The following ACOXL variants were observed in gnomAD, a reference collection of about 807,000 sequenced individuals.
The protein encoded by ACOXL is acyl-coenzyme A oxidase-like protein.
A neutral mutation model predicts 71.9 loss-of-function variants in ACOXL; 70 were observed. The observed-to-expected ratio is 0.97, with a 90% CI of 0.80 to 1.19. The LOEUF is 1.19. Ranked by LOEUF, ACOXL falls within the 50% of genes most tolerant of loss-of-function variation. The pLI is 0.00. For synonymous variants in ACOXL, 253 were observed against 281.6 expected, an observed-to-expected ratio of 0.90 and a Z score of 1.02; for missense variants, 703 against 736.3, an observed-to-expected ratio of 0.95 and a Z score of 0.52.
chr2:110,793,589 T>C, intron 3 of ACOXL, 61 bp from the exon 4 acceptor site: 1 of 1,500,910 alleles, frequency 6.7e-7, no homozygotes, highest in Non-Finnish European at 9.3e-7. Flanking sequence ...TGGCCGTGGA[T>C]TTAATTGTCT....
chr2:110,960,866 GATGGCTGCAAGCC>G (rs2061677221), intron 12 of ACOXL, among the ~76,000 whole-genome samples: 2 of 152,156 alleles, frequency 1.3e-5, no homozygotes, highest in Non-Finnish European at 2.9e-5. Context: ...TACTCAAGAA[GATGGCTGCAAGCC>G]CCATTCAGTG....
intron 10 of ACOXL, among the ~76,000 whole-genome samples, chr2:110,896,741 T>A (rs1466947598): frequency 6.6e-6 from 1 of 152,110 alleles, no homozygotes; most frequent in African/African-American, 2.4e-5. Context: ...AAGTGAAAAC[T>A]AACAGAACTG....
Position 110,933,538 on chromosome 2 carries a change from G to T in ACOXL, c.955G>T (p.Val319Phe). 1 of 1,614,204 alleles carries T rather than the reference G, an allele frequency of 6.2e-7. No homozygotes were observed. Among genetic ancestry groups the T allele is most frequent in the Non-Finnish European group, 8.5e-7 (1 of 1,180,032 alleles). The stretch of plus-strand genomic sequence containing the variant: ...GGATGTCTTCCAGGGAAAGGAGCTG[G>T]TCAACAGTCGCTCGCTGCAGGCTCT... ...DEDVFQGKEL[V>F]NSRSLQALVA... The change falls in exon 12 of 18, where the codon GTC becomes TTC. Residue 319 changes from valine to phenylalanine, a missense_variant. Coordinates refer to ENST00000439055, the MANE Select transcript of ACOXL (RefSeq NM_001142807.4).
At chr2:111,111,187 C>T (rs557839278) in intron 17 of ACOXL, among the ~76,000 whole-genome samples, 1 of 152,194 alleles carries the variant, frequency 6.6e-6, no homozygotes, top group South Asian at 2.1e-4. Context: ...GCAACCTCCA[C>T]CTCCTGGGCT....
intron 10 of ACOXL, among the ~76,000 whole-genome samples, chr2:110,855,607 A>T (rs148197120): frequency 1.3e-5 from 2 of 152,204 alleles, no homozygotes; most frequent in African/African-American, 4.8e-5. Context: ...CCTTTACCCA[A>T]TGCTTCACTT....
At chr2:110,801,776 C>T in intron 8 of ACOXL, 52 bp downstream of exon 8, 2 of 1,543,186 alleles carry the variant, frequency 1.3e-6, no homozygotes, top group East Asian at 2.2e-5. Context: ...TCTCACTGCT[C>T]TCCAAAGTTG....
intron 16 of ACOXL, among the ~76,000 whole-genome samples, chr2:111,091,576 A>T (rs2068525773): frequency 6.6e-6 from 1 of 152,188 alleles, no homozygotes; most frequent in Non-Finnish European, 1.5e-5. Context: ...TTATTTTTAT[A>T]AGAATTTATG....
intron 16 of ACOXL, among the ~76,000 whole-genome samples, chr2:111,062,100 T>C (rs528098277): frequency 1.6e-4 from 25 of 151,810 alleles, no homozygotes; most frequent in Non-Finnish European, 3.1e-4. Context: ...TAGGGTGATA[T>C]AGATAGGTTG....
chr2:111,023,186 C>T (rs992351856), intron 14 of ACOXL, among the ~76,000 whole-genome samples: 4 of 152,148 alleles, frequency 2.6e-5, no homozygotes, highest in Non-Finnish European at 4.4e-5. Context: ...CAGGACTGGA[C>T]TCTTTCCTGA....
chr2:110,970,064 C>G (rs1226793688), intron 12 of ACOXL, among the ~76,000 whole-genome samples: 1 of 152,070 alleles, frequency 6.6e-6, no homozygotes, highest in Non-Finnish European at 1.5e-5. Context: ...GAATGTTACT[C>G]TCTCCTCTTC....
chr2:110,894,089 A>G (rs112235259), intron 10 of ACOXL, among the ~76,000 whole-genome samples: 136 of 152,288 alleles, frequency 8.9e-4, no homozygotes, highest in African/African-American at 3.2e-3. Context: ...GTATCTAAAT[A>G]TGTCATATTT....
intron 1 of ACOXL, among the ~76,000 whole-genome samples, chr2:110,733,764 G>T (rs1314147097): frequency 1.3e-5 from 2 of 152,092 alleles, no homozygotes; most frequent in Non-Finnish European, 2.9e-5. Flanking sequence ...GGGATGGTGG[G>T]TATATCCATC....
At chr2:111,017,656 A>G (rs936016255) in intron 14 of ACOXL, among the ~76,000 whole-genome samples, 9 of 152,194 alleles carry the variant, frequency 5.9e-5, no homozygotes, top group Admixed American at 5.2e-4. Flanking sequence ...GGGCAGTGCT[A>G]ACTCCAGCCT....
At chr2:110,800,075 C>A (rs1423088917) in intron 7 of ACOXL, among the ~76,000 whole-genome samples, 1 of 152,154 alleles carries the variant, frequency 6.6e-6, no homozygotes, top group African/African-American at 2.4e-5. Flanking sequence ...AGCTGGCCAC[C>A]CCAGCCAGCA....
At chr2:111,046,191 T>C (rs2066008228) in intron 15 of ACOXL, among the ~76,000 whole-genome samples, 1 of 152,220 alleles carries the variant, frequency 6.6e-6, no homozygotes, top group Admixed American at 6.5e-5. Flanking sequence ...ACCGTTTCTT[T>C]ACACACAGCC....
intron 12 of ACOXL, among the ~76,000 whole-genome samples, chr2:110,962,416 C>A (rs1293477438): frequency 6.6e-6 from 1 of 152,236 alleles, no homozygotes; most frequent in African/African-American, 2.4e-5. Context: ...TAAGCACAAT[C>A]AGTTTAACCT....
chr2:110,916,200 CTTCTT>C (rs1279921642), intron 11 of ACOXL, among the ~76,000 whole-genome samples: 3 of 151,356 alleles, frequency 2.0e-5, no homozygotes, highest in African/African-American at 7.3e-5. Context: ...GACAATGTCA[CTTCTT>C]TTATTTGTAA....
intron 14 of ACOXL, among the ~76,000 whole-genome samples, chr2:111,030,545 C>T (rs1266446211): frequency 2.0e-5 from 3 of 152,136 alleles, no homozygotes; most frequent in South Asian, 2.1e-4. Flanking sequence ...GTTTTTCCAC[C>T]GGAGCACAAA....
rs947511948 is a variant in ACOXL at position 111,117,729 on chromosome 2, C to T, written c.1656C>T (p.Ala552=). ...TCGCCGGAATCTCCAACCCGCGGGCCGCGTGGGCTTTCTACCCTGCACCGC... is the reference window on the plus strand; with the variant it reads ...TCGCCGGAATCTCCAACCCGCGGGCTGCGTGGGCTTTCTACCCTGCACCGC... ...APIAGISNPR[A]AWAFYPAPLQ... is the part of the protein sequence containing the mutation. The change falls in exon 18 of 18, where the codon GCC becomes GCT. Residue 552 remains alanine, a synonymous_variant. Coordinates refer to ENST00000439055, the MANE Select transcript of ACOXL (RefSeq NM_001142807.4). 6.4e-7 allele frequency: 1 copy of T among 1,551,730 alleles called. No individual in the cohort carries two copies. The highest frequency in any genetic ancestry group is 8.7e-7 in the Non-Finnish European group (1 of 1,147,014).
Sources: gnomAD v4.1 joint callset for allele counts (sites outside exome capture counted in the v4.1 genomes callset) on GRCh38, gnomAD v4.1.1 for gene constraint, MANE v1.5 for transcripts, NCBI Gene and HGNC (gene_info 2026-07-23, HGNC 2026-07-21) for gene names.